Variants in RAB38 observed in about 807,000 individuals in gnomAD.
RAB38 encodes the protein RAB38, member RAS oncogene family.
RAB38 carries 15 observed loss-of-function variants against 18.4 expected under a neutral mutation model. The observed-to-expected ratio is 0.82, with a 90% confidence interval of 0.55 to 1.26. The LOEUF (loss-of-function observed/expected upper bound fraction) is 1.26. RAB38 is among the 50% of genes most tolerant of loss of function. The probability of loss-of-function intolerance (pLI) is 0.00; values close to 1 mark genes in which losing one functional copy is unlikely to be tolerated. For missense variants in RAB38, 294 were observed against 267.4 expected, an observed-to-expected ratio of 1.10 and a Z score of -0.69; for synonymous variants, 101 against 104.4, an observed-to-expected ratio of 0.97 and a Z score of 0.20.
At chr11:88,041,050 C>G in the RAB38 span, among the ~76,000 whole-genome samples, 1 of 152,318 alleles carries the variant, frequency 6.6e-6, no homozygotes, top group East Asian at 1.9e-4. Context: ...CATTCCCATT[C>G]ATGTCTGTCC....
At chr11:88,173,246 T>TA (rs990341538) in intron 1 of RAB38, among the ~76,000 whole-genome samples, 1 of 152,128 alleles carries the variant, frequency 6.6e-6, no homozygotes, top group Admixed American at 6.5e-5. Flanking sequence ...TATATAGGCT[T>TA]AAAAAAATGG....
At chr11:87,937,304 T>C in the RAB38 span, among the ~76,000 whole-genome samples, 1 of 106,832 alleles carries the variant, frequency 9.4e-6, no homozygotes, top group Non-Finnish European at 1.9e-5. Flanking sequence ...AACTTTTACT[T>C]GGTCATCATA....
the RAB38 span, among the ~76,000 whole-genome samples, chr11:88,066,619 C>A: frequency 6.6e-6 from 1 of 152,090 alleles, no homozygotes; most frequent in African/African-American, 2.4e-5. Flanking sequence ...GGTGTAGGGG[C>A]CATGCACTAA....
chr11:88,039,129 C>T, the RAB38 span, among the ~76,000 whole-genome samples: 5,081 of 152,100 alleles, frequency 0.033, 226 homozygotes, highest in South Asian at 0.075. Context: ...TGTCGTGTTC[C>T]TTTGTTTTTA....
the RAB38 span, among the ~76,000 whole-genome samples, chr11:88,032,195 G>A: frequency 1.3e-5 from 2 of 152,002 alleles, no homozygotes; most frequent in Non-Finnish European, 2.9e-5. Context: ...AGCTGAAACT[G>A]GATCCCTTCC....
the RAB38 span, among the ~76,000 whole-genome samples, chr11:88,028,808 G>A: frequency 2.0e-5 from 3 of 150,938 alleles, no homozygotes; most frequent in South Asian, 2.1e-4. Context: ...ACACTCTGCA[G>A]GATATTATCC....
chr11:88,041,675 TTTAA>T, the RAB38 span, among the ~76,000 whole-genome samples: 1 of 152,274 alleles, frequency 6.6e-6, no homozygotes, highest in Admixed American at 6.5e-5. Flanking sequence ...TGAGAAAAAT[TTTAA>T]TTACTTACTA....
chr11:87,962,211 GA>G, the RAB38 span, among the ~76,000 whole-genome samples: 1 of 151,940 alleles, frequency 6.6e-6, no homozygotes, highest in African/African-American at 2.4e-5. Context: ...GAAGGAGTAG[GA>G]AAAAAAGCAT....
chr11:87,936,443 A>G, the RAB38 span, among the ~76,000 whole-genome samples: 1 of 152,126 alleles, frequency 6.6e-6, no homozygotes, highest in African/African-American at 2.4e-5. Context: ...TTGTCAAAAT[A>G]TCAGTTGGGT....
chr11:88,009,010 CA>C, the RAB38 span, among the ~76,000 whole-genome samples: 1 of 152,116 alleles, frequency 6.6e-6, no homozygotes, highest in Admixed American at 6.6e-5. Flanking sequence ...TGGTCTCTAA[CA>C]AAAATGCAAA....
the RAB38 span, among the ~76,000 whole-genome samples, chr11:88,044,702 C>T: frequency 3.9e-5 from 6 of 152,212 alleles, no homozygotes; most frequent in Non-Finnish European, 7.4e-5. Flanking sequence ...GTTCCCAATG[C>T]GACTCATCCC....
At chr11:88,145,005 T>C (rs1942963976) in intron 2 of RAB38, among the ~76,000 whole-genome samples, 1 of 152,144 alleles carries the variant, frequency 6.6e-6, no homozygotes, top group Non-Finnish European at 1.5e-5. Context: ...CACCAGAGTA[T>C]GGCTGTTGTG....
the RAB38 span, among the ~76,000 whole-genome samples, chr11:88,004,368 C>G: frequency 6.6e-6 from 1 of 150,886 alleles, no homozygotes; most frequent in Non-Finnish European, 1.5e-5. Context: ...ACCACAATAA[C>G]AAAATCAAGA....
At chr11:88,014,485 T>C in the RAB38 span, among the ~76,000 whole-genome samples, 2 of 152,160 alleles carry the variant, frequency 1.3e-5, no homozygotes, top group Admixed American at 6.5e-5. Context: ...ACTGGCAAAA[T>C]GACTTTCTCA....
downstream of RAB38, among the ~76,000 whole-genome samples, chr11:88,110,505 A>G (rs1281729312): frequency 6.6e-6 from 1 of 152,128 alleles, no homozygotes; most frequent in Non-Finnish European, 1.5e-5. Flanking sequence ...TATGTATCCC[A>G]GAACCTAAAG....
chr11:88,112,204 T>A (rs1184161074), downstream of RAB38, among the ~76,000 whole-genome samples: 2 of 152,216 alleles, frequency 1.3e-5, no homozygotes, highest in Non-Finnish European at 2.9e-5. Context: ...ATTCTGTAGT[T>A]CATTTGATAA....
the RAB38 span, among the ~76,000 whole-genome samples, chr11:87,861,928 A>C: frequency 3.2e-4 from 49 of 151,802 alleles, no homozygotes; most frequent in Admixed American, 2.8e-3. Flanking sequence ...AACATCACTA[A>C]TCATTAGAGA....
intron 1 of RAB38, chr11:88,165,918 G>C (rs1943238253): frequency 6.6e-6 from 1 of 152,046 alleles, no homozygotes; most frequent in Non-Finnish European, 1.5e-5. Context: ...AGCTTAACTA[G>C]AGAAGTGCTA....
the RAB38 span, among the ~76,000 whole-genome samples, chr11:87,936,621 A>G: frequency 1.3e-5 from 2 of 152,054 alleles, no homozygotes; most frequent in East Asian, 3.9e-4. Flanking sequence ...GATTCCTTCC[A>G]CTTTATTCTT....
Sources: gnomAD v4.1 joint callset for allele counts (sites outside exome capture counted in the v4.1 genomes callset) on GRCh38, gnomAD v4.1.1 for gene constraint, MANE v1.5 for transcripts, NCBI Gene and HGNC (gene_info 2026-07-23, HGNC 2026-07-21) for gene names.